Variants in RBFOX1 observed in about 807,000 individuals in gnomAD.
RBFOX1 encodes the protein RNA binding protein fox-1 homolog 1.
A neutral mutation model predicts 57.7 loss-of-function variants in RBFOX1; 8 were observed. The ratio of observed to expected loss-of-function variants is 0.14; its 90% CI spans 0.08 to 0.25. The LOEUF (loss-of-function observed/expected upper bound fraction) is 0.25, where lower values mean the gene tolerates loss of function less well. Among genes scored for constraint, RBFOX1 ranks in the 10% least tolerant of loss-of-function variants. The pLI is 1.00. For missense variants in RBFOX1, 611 were observed against 548.5 expected (o/e 1.11, Z -1.14); for synonymous variants, 326 against 222.4 (o/e 1.47, Z -4.15).
intron 3 of RBFOX1, among the ~76,000 whole-genome samples, chr16:6,721,593 C>G (rs2066003727): frequency 6.6e-6 from 1 of 152,164 alleles, no homozygotes; most frequent in Non-Finnish European, 1.5e-5. Flanking sequence ...GCTCCCCATT[C>G]TCCTTACCCT....
At chr16:6,478,429 A>ATATTTTTT (rs1159954387) in intron 2 of RBFOX1, among the ~76,000 whole-genome samples, 29 of 24,582 alleles carry the variant, frequency 1.2e-3, no homozygotes, top group Non-Finnish European at 2.0e-3. Flanking sequence ...ATATATATAT[A>ATATTTTTT]TTTTTTTTTT....
intron 2 of RBFOX1, among the ~76,000 whole-genome samples, chr16:6,513,473 T>C (rs1041993643): frequency 1.3e-5 from 2 of 152,174 alleles, no homozygotes; most frequent in Admixed American, 1.3e-4. Flanking sequence ...GTGGCTCACG[T>C]CTGTAATCTC....
intron 1 of RBFOX1, among the ~76,000 whole-genome samples, chr16:6,312,184 C>T (rs1405286030): frequency 1.3e-5 from 2 of 152,112 alleles, no homozygotes; most frequent in Admixed American, 6.5e-5. Context: ...AATAAATGGG[C>T]ATGTTTCTTA....
chr16:7,592,862 A>G (rs2152930646), intron 7 of RBFOX1, among the ~76,000 whole-genome samples: 1 of 152,256 alleles, frequency 6.6e-6, no homozygotes, highest in African/African-American at 2.4e-5. Flanking sequence ...CCCAGGCTGG[A>G]GTACAGGGGT....
intron 4 of RBFOX1, among the ~76,000 whole-genome samples, chr16:7,263,698 C>G (rs1262288262): frequency 2.0e-5 from 3 of 151,902 alleles, no homozygotes; most frequent in Non-Finnish European, 4.4e-5. Context: ...GAGTTCGAGA[C>G]CAGCCTGGCT....
At chr16:6,582,527 A>C (rs1161518016) in intron 2 of RBFOX1, among the ~76,000 whole-genome samples, 1 of 151,108 alleles carries the variant, frequency 6.6e-6, no homozygotes, top group African/African-American at 2.4e-5. Context: ...ATGTGGAGTC[A>C]GGTGCATAAA....
At chr16:5,760,669 C>A (rs2053563290) in intron 3 of RBFOX1, among the ~76,000 whole-genome samples, 1 of 152,160 alleles carries the variant, frequency 6.6e-6, no homozygotes, top group Non-Finnish European at 1.5e-5. Context: ...TTGTACAATT[C>A]AATTTATATG....
intron 3 of RBFOX1, among the ~76,000 whole-genome samples, chr16:6,908,422 C>G (rs1429686941): frequency 6.8e-6 from 1 of 146,262 alleles, no homozygotes; most frequent in Non-Finnish European, 1.6e-5. Flanking sequence ...TTTGACTTTT[C>G]CACTGATACC....
intron 1 of RBFOX1, among the ~76,000 whole-genome samples, chr16:6,189,944 T>C (rs1253980994): frequency 1.3e-5 from 2 of 152,232 alleles, no homozygotes; most frequent in Non-Finnish European, 2.9e-5. Flanking sequence ...CCCAGACTAA[T>C]GTCCTGGAGA....
intron 4 of RBFOX1, among the ~76,000 whole-genome samples, chr16:5,940,882 G>A (rs1480808527): frequency 6.6e-6 from 1 of 152,136 alleles, no homozygotes; most frequent in African/African-American, 2.4e-5. Context: ...TTTACATGTT[G>A]GGCTGTGTGT....
chr16:5,749,319 C>T (rs138309941), intron 3 of RBFOX1, among the ~76,000 whole-genome samples: 3,507 of 152,178 alleles, frequency 0.023, 145 homozygotes, highest in African/African-American at 0.08. Context: ...ATTTCAACTT[C>T]GGTGAATCTG....
At chr16:5,532,385 A>G (rs11640069) in intron 2 of RBFOX1, among the ~76,000 whole-genome samples, 46,783 of 152,096 alleles carry the variant, frequency 0.31, 7,696 homozygotes, top group Non-Finnish European at 0.36. Context: ...AGAATACGGC[A>G]TCAGTACCAC....
chr16:7,334,575 T>C (rs1384443945), intron 4 of RBFOX1, among the ~76,000 whole-genome samples: 5 of 152,180 alleles, frequency 3.3e-5, no homozygotes, highest in African/African-American at 7.2e-5. Context: ...GTTCCTGTTA[T>C]AGATTAAGTG....
At chr16:7,697,237 G>A (rs1166908354) in intron 14 of RBFOX1, among the ~76,000 whole-genome samples, 1 of 152,072 alleles carries the variant, frequency 6.6e-6, no homozygotes, top group Non-Finnish European at 1.5e-5. Context: ...GTGAGAAGTG[G>A]TCATCTTTAA....
intron 3 of RBFOX1, among the ~76,000 whole-genome samples, chr16:6,817,354 G>A (rs969919060): frequency 3.3e-5 from 5 of 152,016 alleles, no homozygotes; most frequent in African/African-American, 1.2e-4. Flanking sequence ...TTAGCTGCGT[G>A]TGTCACCCTT....
intron 3 of RBFOX1, among the ~76,000 whole-genome samples, chr16:6,693,577 ATCG>A (rs1379157637): frequency 4.6e-5 from 7 of 151,048 alleles, no homozygotes; most frequent in Non-Finnish European, 1.0e-4. Flanking sequence ...CACCATCATC[ATCG>A]TCATCATCCT....
intron 2 of RBFOX1, among the ~76,000 whole-genome samples, chr16:6,635,247 A>G (rs1292805468): frequency 1.3e-5 from 2 of 151,280 alleles, no homozygotes. Flanking sequence ...TTATATATTC[A>G]TCACTAAAAA....
chr16:7,485,454 G>C (rs11077191), intron 4 of RBFOX1, among the ~76,000 whole-genome samples: 16 of 152,068 alleles, frequency 1.1e-4, no homozygotes, highest in Non-Finnish European at 1.9e-4. Flanking sequence ...CTTGAATCCA[G>C]CTGAATGCTT....
chr16:6,984,420 C>A (rs776250939), intron 3 of RBFOX1, among the ~76,000 whole-genome samples: 1 of 152,062 alleles, frequency 6.6e-6, no homozygotes, highest in African/African-American at 2.4e-5. Context: ...AGGGGTATCT[C>A]CAGTGAGACG....
Sources: allele counts gnomAD v4.1 joint callset (sites outside exome capture counted in the v4.1 genomes callset), GRCh38; gene constraint gnomAD v4.1.1; transcripts MANE v1.5; gene names NCBI Gene and HGNC (gene_info 2026-07-23, HGNC 2026-07-21).